Variants in METTL4 observed in about 807,000 individuals in gnomAD.
METTL4 encodes N(6)-adenine-specific methyltransferase METTL4.
METTL4 carries 40 observed loss-of-function variants against 54.0 expected under a neutral mutation model. The observed-to-expected ratio is 0.74, with a 90% CI of 0.58 to 0.96. The LOEUF (loss-of-function observed/expected upper bound fraction) is 0.96, where lower values mean the gene tolerates loss of function less well. Among genes scored for constraint, METTL4 ranks in the 50% least tolerant of loss-of-function variants. The pLI is 0.00. For missense variants in METTL4, 525 were observed against 549.0 expected, an observed-to-expected ratio of 0.96 and a Z score of 0.44; for synonymous variants, 169 against 183.8, an observed-to-expected ratio of 0.92 and a Z score of 0.65.
At chr18:2,565,347 G>A (rs1321608373) in intron 2 of METTL4, among the ~76,000 whole-genome samples, 2 of 152,104 alleles carry the variant, frequency 1.3e-5, no homozygotes, top group African/African-American at 4.8e-5. Flanking sequence ...CCTACTGGAA[G>A]ATGGAGGTCA....
intron 6 of METTL4, among the ~76,000 whole-genome samples, chr18:2,546,476 T>C (rs987850895): frequency 1.3e-5 from 2 of 151,890 alleles, no homozygotes; most frequent in African/African-American, 4.8e-5. Flanking sequence ...CTGGAATGTA[T>C]CCCCCCAAGG....
chr18:2,555,843 TAA>T (rs33960748), intron 3 of METTL4, among the ~76,000 whole-genome samples: 16 of 143,052 alleles, frequency 1.1e-4, no homozygotes, highest in Admixed American at 1.4e-4. Context: ...TTGGTATGTT[TAA>T]AAAAAAAAAA....
Position 2,538,666 on chromosome 18 carries a change from G to T in METTL4, c.*334C>A. 1 of 214,634 alleles carries T rather than the reference G, an allele frequency of 4.7e-6. No individual in the cohort carries two copies. The highest frequency in any genetic ancestry group is 9.3e-6 in the Non-Finnish European group (1 of 107,382). 13.3% of individuals were successfully genotyped at this position (214,634 alleles called of 1,614,324 possible). On this transcript the variant is annotated 3_prime_UTR_variant, in exon 9 of 9. Coordinates refer to ENST00000574538, the MANE Select transcript of METTL4 (RefSeq NM_022840.5). ...CTAAGTGTTTTTTACAACACTGTAT[G>T]GGTCACACAAAACACATCCATAGAT...
At chr18:2,553,587 A>C (rs1276148851) in intron 4 of METTL4, 1 of 152,146 alleles carries the variant, frequency 6.6e-6, no homozygotes, top group Non-Finnish European at 1.5e-5. Flanking sequence ...CTTTTCATCC[A>C]CTATTTTGAC....
chr18:2,561,212 T>G (rs2072311841), intron 3 of METTL4: 1 of 152,194 alleles, frequency 6.6e-6, no homozygotes, highest in Non-Finnish European at 1.5e-5. Flanking sequence ...TATTCTTTAA[T>G]ATTGTATTAT....
chr18:2,563,019 G>C (rs774136225), intron 3 of METTL4, among the ~76,000 whole-genome samples: 3 of 151,926 alleles, frequency 2.0e-5, no homozygotes, highest in Non-Finnish European at 4.4e-5. Context: ...ACTGAATTTT[G>C]CCATTTCAAA....
intron 2 of METTL4, among the ~76,000 whole-genome samples, chr18:2,566,046 CAAATAAAT>C (rs538896989): frequency 3.5e-4 from 29 of 82,890 alleles, no homozygotes; most frequent in African/African-American, 1.6e-3. Flanking sequence ...GACTCTGTCT[CAAATAAAT>C]AAATAAATAA....
rs1052198120 is a variant in METTL4 at position 2,538,909 on chromosome 18, G to A, written c.*91C>T. 5 of 1,381,724 alleles carry A rather than the reference G, an allele frequency of 3.6e-6. No homozygotes were observed. The African/African-American group carries it at 5.8e-5, about 16-fold the overall frequency. 85.6% of individuals were successfully genotyped at this position (1,381,724 alleles called of 1,614,324 possible). On this transcript the variant is annotated 3_prime_UTR_variant, in exon 9 of 9. Transcript: ENST00000574538. ...AGTCCTGTTTATATTCTAAGAATAT[G>A]GGTTGGTAACAAAATAAAAAAATGA...
chr18:2,556,599 T>C (rs956101677), intron 3 of METTL4, among the ~76,000 whole-genome samples: 3 of 152,040 alleles, frequency 2.0e-5, no homozygotes, highest in South Asian at 2.1e-4. Context: ...AAAGGTTAGG[T>C]AGGTTTACTT....
intron 3 of METTL4, among the ~76,000 whole-genome samples, chr18:2,559,758 G>GTT (rs1462973692): frequency 2.6e-5 from 4 of 151,980 alleles, no homozygotes; most frequent in African/African-American, 7.3e-5. Context: ...ATTTTTTCGA[G>GTT]AGGGAGTCTC....
At chr18:2,550,358 G>C (rs2072135844) in intron 5 of METTL4, among the ~76,000 whole-genome samples, 1 of 152,140 alleles carries the variant, frequency 6.6e-6, no homozygotes, top group Non-Finnish European at 1.5e-5. Flanking sequence ...AAAACAGAAA[G>C]AAAATGGTGA....
intron 5 of METTL4, among the ~76,000 whole-genome samples, chr18:2,548,097 A>AC (rs2072098818): frequency 6.6e-6 from 1 of 152,054 alleles, no homozygotes; most frequent in African/African-American, 2.4e-5. Context: ...TGCATTTGCA[A>AC]CCCCTAATCT....
chr18:2,539,867 A>C lies in METTL4; in HGVS notation c.1274-722T>G. The C allele has an allele frequency of 2.1e-6, 2 of 934,116 alleles. 1 individual carries two copies. Among genetic ancestry groups the C allele is most frequent in the South Asian group, 9.9e-5 (2 of 20,186 alleles). The allele number at this position is 934,116 out of a possible 1,614,324, so 57.9% of individuals were successfully genotyped here. ...CAACCCATTTAAAAAAAAAAAAGAC[A>C]AAAGTCTGTCTGCAATATAAACTTT... On this transcript the variant is annotated intron_variant, in intron 8 of 8. Coordinates refer to ENST00000574538, the MANE Select transcript of METTL4 (RefSeq NM_022840.5).
At chr18:2,540,520 C>T (rs961830057) in intron 8 of METTL4, 1 of 985,302 alleles carries the variant, frequency 1.0e-6, no homozygotes, top group Non-Finnish European at 1.2e-6. Flanking sequence ...AAGTACTGGT[C>T]CTGTTTAGCA....
In METTL4 at chr18:2,550,974, C is replaced by A. The variant is rs1223474614; in HGVS notation, c.899+1721G>T. On this transcript the variant is annotated intron_variant, in intron 5 of 8. Transcript: ENST00000574538. Reference sequence around the variant, plus strand: ...GGTCAGGAGATCGAGACCATCCTGGCTAACATGGTGAAACCCCGTCTCTAC... The same window carrying A: ...GGTCAGGAGATCGAGACCATCCTGGATAACATGGTGAAACCCCGTCTCTAC... Among the ~76,000 whole-genome samples, 7 of 151,718 alleles carry A rather than the reference C, an allele frequency of 4.6e-5. No individual in the cohort carries two copies. In the East Asian group the frequency reaches 7.8e-4, roughly 17 times the overall value.
At chr18:2,546,637 T>C (rs1480976835) in intron 6 of METTL4, among the ~76,000 whole-genome samples, 1 of 152,152 alleles carries the variant, frequency 6.6e-6, no homozygotes, top group Non-Finnish European at 1.5e-5. Context: ...TTGGATTATC[T>C]TTTCAAAATT....
At chr18:2,544,866 AATACT>A (rs2072048656) in intron 6 of METTL4, 107 bp from the exon 7 acceptor site, 1 of 633,308 alleles carries the variant, frequency 1.6e-6, no homozygotes, top group South Asian at 2.2e-5. Context: ...ATTCAGTAAA[AATACT>A]ATGTGAGCCA....
chr18:2,554,467 CTCTT>C, intron 4 of METTL4, 198 bp downstream of exon 4: 1 of 519,510 alleles, frequency 1.9e-6, no homozygotes, highest in South Asian at 2.9e-5. Context: ...TAGCTTTTGA[CTCTT>C]TATTCACAAT....
At chr18:2,570,989 CA>C (rs1277693500) in intron 1 of METTL4, among the ~76,000 whole-genome samples, 159 bp downstream of exon 1, 1 of 152,202 alleles carries the variant, frequency 6.6e-6, no homozygotes, top group African/African-American at 2.4e-5. Context: ...CGCCCGCCCC[CA>C]AACACTTGGA....
Sources: allele counts gnomAD v4.1 joint callset (sites outside exome capture counted in the v4.1 genomes callset), GRCh38; gene constraint gnomAD v4.1.1; transcripts MANE v1.5; gene names NCBI Gene and HGNC (gene_info 2026-07-23, HGNC 2026-07-21).